COBLL1: variants seen among roughly 807,000 people sequenced by gnomAD.
COBLL1 encodes cordon-bleu WH2 repeat protein like 1, also known as cordon-bleu protein-like 1.
Under a neutral mutation model 94.8 loss-of-function variants are expected in COBLL1, and 50 were observed. The ratio of observed to expected loss-of-function variants is 0.53; its 90% confidence interval spans 0.42 to 0.67. The LOEUF is 0.67. COBLL1 is among the 30% of genes least tolerant of loss of function. The pLI is 0.00. For synonymous variants in COBLL1, 448 were observed against 473.8 expected (o/e 0.95, Z 0.71); for missense variants, 1,362 against 1,348.7 (o/e 1.01, Z -0.15).
In COBLL1 at chr2:164,695,410, C is replaced by A. The variant is rs750021681; in HGVS notation, c.1982G>T (p.Gly661Val). The A allele has an allele frequency of 1.9e-6, 3 of 1,613,724 alleles. No homozygotes were observed. The highest frequency in any genetic ancestry group is 1.1e-5 in the South Asian group (1 of 91,044). ...VNTSREFRSQ[G>V]TLIIHSEDPL... ...ATCTTCTGAATGTATAATTAGGGTG[C>A]CTTGACTCCTGAATTCCCTTGAGGT... Residue 661 changes from glycine to valine, a missense_variant, in exon 12 of 14, where the codon GGC (glycine) becomes GTC (valine). Transcript: ENST00000652658.
intron 2 of COBLL1, among the ~76,000 whole-genome samples, chr2:164,807,555 A>G (rs573150577): frequency 6.6e-6 from 1 of 151,994 alleles, no homozygotes; most frequent in East Asian, 1.9e-4. Context: ...TTGTTTTAGT[A>G]TCATGAGTTG....
chr2:164,756,745 G>C (rs1687428635), intron 2 of COBLL1, among the ~76,000 whole-genome samples: 1 of 151,706 alleles, frequency 6.6e-6, no homozygotes, highest in African/African-American at 2.4e-5. Flanking sequence ...TTCCAGAAAG[G>C]CACAGGGTAA....
chr2:164,770,185 T>G (rs1280282893), intron 2 of COBLL1, among the ~76,000 whole-genome samples: 1 of 152,124 alleles, frequency 6.6e-6, no homozygotes, highest in African/African-American at 2.4e-5. Flanking sequence ...GAAGTTCATT[T>G]CAAAACCCAT....
At position 164,695,016 on chromosome 2, in the gene COBLL1, T is replaced by G; in HGVS notation, c.2376A>C (p.Pro792=). ...DSAISESPEE[P]LPNLKPKPNL... is the part of the protein sequence containing the mutation. ...TAGGCTTCGGTTTAAGGTTTGGCAG[T>G]GGCTCTTCTGGGCTTTCAGAAATAG... The change falls in exon 12 of 14, where the codon CCA becomes CCC. Residue 792 remains proline (P), a synonymous_variant. Coordinates refer to ENST00000652658, the MANE Select transcript of COBLL1 (RefSeq NM_001365672.2). 6.2e-7 allele frequency: 1 copy of G among 1,613,966 alleles called. No individual in the cohort carries two copies. The highest frequency in any genetic ancestry group is 8.5e-7 in the Non-Finnish European group (1 of 1,179,954).
At chr2:164,796,766 G>A (rs1439525187) in intron 2 of COBLL1, among the ~76,000 whole-genome samples, 3 of 149,330 alleles carry the variant, frequency 2.0e-5, no homozygotes, top group Non-Finnish European at 3.0e-5. Context: ...CTGAGGCCAG[G>A]AGTTTGAGAT....
intron 2 of COBLL1, among the ~76,000 whole-genome samples, chr2:164,834,880 A>G (rs355798): frequency 0.16 from 24,857 of 152,196 alleles, 2,954 homozygotes; most frequent in African/African-American, 0.34. Flanking sequence ...CAAATGGCCA[A>G]TGAAAAGGTA....
chr2:164,658,302 G>A (rs1459068065), intron 2 of COBLL1, among the ~76,000 whole-genome samples: 6 of 152,236 alleles, frequency 3.9e-5, no homozygotes, highest in Admixed American at 6.5e-5. Flanking sequence ...GCCGAAGACC[G>A]CTCTAACTGC....
intron 12 of COBLL1, 149 bp downstream of exon 12, chr2:164,694,120 T>A: frequency 1.4e-6 from 1 of 738,350 alleles, no homozygotes; most frequent in East Asian, 2.6e-5. Flanking sequence ...TCAGATTTTA[T>A]GTATCACCAC....
intron 2 of COBLL1, among the ~76,000 whole-genome samples, chr2:164,771,792 T>C (rs762145696): frequency 4.6e-5 from 7 of 151,968 alleles, no homozygotes; most frequent in Non-Finnish European, 1.0e-4. Context: ...ATCTAAACAT[T>C]CCAAGTTATA....
chr2:164,839,243 A>G (rs1003480115), intron 2 of COBLL1, among the ~76,000 whole-genome samples: 2 of 152,210 alleles, frequency 1.3e-5, no homozygotes, highest in African/African-American at 4.8e-5. Context: ...GACAAATTAG[A>G]TAAGGCTCTT....
At chr2:164,837,166 A>C (rs1350344665) in intron 2 of COBLL1, among the ~76,000 whole-genome samples, 1 of 152,178 alleles carries the variant, frequency 6.6e-6, no homozygotes, top group Non-Finnish European at 1.5e-5. Context: ...ATTCCTGAAA[A>C]TGTGCTTCAG....
In COBLL1 at chr2:164,703,175, GGCGCA is replaced by G. The variant is rs768533133; in HGVS notation, c.1225+1264_1225+1268del. On this transcript the variant is annotated intron_variant, in intron 9 of 13. Transcript: ENST00000652658. ...GACAGAGGTTTCCTCCATCAGTTTG[GGCGCA>G]GTGCACTGCTCCTGACTGGAAAGCC... 1.8e-5 allele frequency: 29 copies of G among 1,613,898 alleles called. No homozygotes were observed. In the South Asian group the frequency reaches 2.7e-4, roughly 15 times the overall value.
intron 2 of COBLL1, among the ~76,000 whole-genome samples, chr2:164,840,165 T>A (rs1207954070): frequency 6.6e-6 from 1 of 152,252 alleles, no homozygotes. Context: ...CAAGTCTCAT[T>A]CATTAGTGAC....
intron 2 of COBLL1, among the ~76,000 whole-genome samples, chr2:164,768,274 G>A (rs1001366860): frequency 6.6e-6 from 1 of 152,178 alleles, no homozygotes; most frequent in African/African-American, 2.4e-5. Flanking sequence ...ACATGCACCA[G>A]AAATAATACA....
In COBLL1 at chr2:164,685,628, T is replaced by C. The variant is rs1683236372; in HGVS notation, c.*318A>G. On this transcript the variant is annotated 3_prime_UTR_variant, in exon 14 of 14. Transcript: ENST00000652658. ...TCTTATACTTTTGTCTAAGTCACCA[T>C]TGTAGAGAATGTGCTGGTAAGTGAA... The C allele has an allele frequency of 5.3e-6, 1 of 188,528 alleles. No individual in the cohort carries two copies. Among genetic ancestry groups the C allele is most frequent in the Non-Finnish European group, 1.1e-5 (1 of 92,740 alleles). 11.7% of individuals were successfully genotyped at this position (188,528 alleles called of 1,614,324 possible).
chr2:164,690,669 T>C (rs1176362693), intron 13 of COBLL1, among the ~76,000 whole-genome samples: 3 of 152,180 alleles, frequency 2.0e-5, no homozygotes, highest in African/African-American at 7.2e-5. Flanking sequence ...TGTAGTAACT[T>C]GGTTCTCCCA....
At chr2:164,797,304 G>A (rs1683514430) in intron 2 of COBLL1, among the ~76,000 whole-genome samples, 1 of 151,984 alleles carries the variant, frequency 6.6e-6, no homozygotes, top group South Asian at 2.1e-4. Context: ...ATTTTTTTCA[G>A]AAAGTTCTAA....
In COBLL1 at chr2:164,805,319, CTCTCTCTCTCTCTCTCTCTATATATA is replaced by C. The variant is rs1256761520; in HGVS notation, c.41+35811_41+35836del. ...TCTCTCTCTCTCTCTCTCTCTCTCT[CTCTCTCTCTCTCTCTCTCTATATATA>C]TATATATATATATATATAAAACTAA... On this transcript the variant is annotated intron_variant, in intron 2 of 13. Coordinates refer to ENST00000652658, the MANE Select transcript of COBLL1 (RefSeq NM_001365672.2). 3.9e-3 allele frequency among the ~76,000 whole-genome samples: 139 copies of C among 35,964 alleles called. 16 individuals are homozygous for C. The highest frequency in any genetic ancestry group is 0.029 in the South Asian group (36 of 1,226). 23.6% of individuals were successfully genotyped at this position (35,964 alleles called of 152,430 possible).
chr2:164,785,477 T>C (rs1013907161), intron 2 of COBLL1, among the ~76,000 whole-genome samples: 1 of 152,128 alleles, frequency 6.6e-6, no homozygotes, highest in African/African-American at 2.4e-5. Flanking sequence ...CATAAATGAA[T>C]AGAAGTAGTC....
Sources: gnomAD v4.1 joint callset for allele counts (sites outside exome capture counted in the v4.1 genomes callset) on GRCh38, gnomAD v4.1.1 for gene constraint, MANE v1.5 for transcripts, NCBI Gene and HGNC (gene_info 2026-07-23, HGNC 2026-07-21) for gene names.